The following ARFGEF1 variants were observed in gnomAD, a reference collection of about 807,000 sequenced individuals.
ARFGEF1 encodes ARF guanine nucleotide exchange factor 1.
In ARFGEF1, 42 loss-of-function variants were observed where a neutral mutation model predicts 231.0. The observed-to-expected ratio is 0.18, with a 90% CI of 0.14 to 0.24. The LOEUF (loss-of-function observed/expected upper bound fraction) is 0.24, where lower values mean the gene tolerates loss of function less well. Ranked by LOEUF, ARFGEF1 falls within the 10% of genes least tolerant of loss-of-function variation. ARFGEF1 has a pLI of 1.00. For synonymous variants in ARFGEF1, 710 were observed against 732.3 expected (o/e 0.97, Z 0.49); for missense variants, 1,345 against 2,192.0 (o/e 0.61, Z 7.72).
intron 1 of ARFGEF1, among the ~76,000 whole-genome samples, chr8:67,304,704 A>C (rs1806655642): frequency 6.6e-6 from 1 of 152,220 alleles, no homozygotes; most frequent in Non-Finnish European, 1.5e-5. Flanking sequence ...CTGTAGTCCC[A>C]GCTACTTGGG....
At chr8:67,218,178 C>T (rs1479535564) in intron 30 of ARFGEF1, 40 bp from the exon 31 acceptor site, 1 of 821,684 alleles carries the variant, frequency 1.2e-6, no homozygotes, top group Non-Finnish European at 1.6e-6. Flanking sequence ...CGCCATTAAT[C>T]AACTACTATG....
At chr8:67,202,975 G>A (rs767737774) in intron 36 of ARFGEF1, 108 bp downstream of exon 36, 11 of 1,152,056 alleles carry the variant, frequency 9.5e-6, no homozygotes, top group Non-Finnish European at 1.3e-5. Flanking sequence ...AGTACATATA[G>A]TGACATGCAC....
chr8:67,309,662 A>G (rs1806904957), intron 1 of ARFGEF1, among the ~76,000 whole-genome samples: 1 of 152,198 alleles, frequency 6.6e-6, no homozygotes. Context: ...AGAAGAAACA[A>G]ACTATGAAGC....
At position 67,343,342 on chromosome 8, in the gene ARFGEF1, G is replaced by A. The variant is rs1563927134; in HGVS notation, c.-55C>T. ...CGACCCGCGGCTCCCAGCGGCTGGA[G>A]GGGAGGAGGAGGAGAGGAAGGAAGA... On this transcript the variant is annotated 5_prime_UTR_variant, in exon 1 of 39. Coordinates refer to ENST00000262215, the MANE Select transcript of ARFGEF1 (RefSeq NM_006421.5). 5.0e-6 allele frequency: 8 copies of A among 1,602,676 alleles called. No homozygotes were observed. In the Admixed American group the frequency reaches 5.0e-5, roughly 10 times the overall value.
At position 67,266,892 on chromosome 8, in the gene ARFGEF1, G is replaced by A; in HGVS notation, c.1905C>T (p.Asn635=). ...TCACCTTACCAAGAGTTGTCTGGGA[G>A]TTGGGATTCACATACTGATCCTTAC... ...EWSKDQYVNP[N]SQTTLGQEKP... The change falls in exon 13 of 39, where the codon AAC becomes AAT. Residue 635 remains asparagine, a synonymous_variant. Coordinates refer to ENST00000262215, the MANE Select transcript of ARFGEF1 (RefSeq NM_006421.5). 1 of 1,612,300 alleles carries A rather than the reference G, an allele frequency of 6.2e-7. No homozygotes were observed. The highest frequency in any genetic ancestry group is 1.1e-5 in the South Asian group (1 of 90,938).
At chr8:67,209,073 C>G (rs1013695580) in intron 34 of ARFGEF1, among the ~76,000 whole-genome samples, 1 of 152,216 alleles carries the variant, frequency 6.6e-6, no homozygotes, top group African/African-American at 2.4e-5. Flanking sequence ...TATGAGCTAG[C>G]AATTCCACTC....
At chr8:67,278,446 T>C (rs765829038) in intron 7 of ARFGEF1, among the ~76,000 whole-genome samples, 1 of 152,206 alleles carries the variant, frequency 6.6e-6, no homozygotes, top group Non-Finnish European at 1.5e-5. Flanking sequence ...ATTGATAACA[T>C]GTCTCCAACT....
chr8:67,297,440 G>GT (rs1554646955), intron 4 of ARFGEF1, among the ~76,000 whole-genome samples: 2 of 152,086 alleles, frequency 1.3e-5, no homozygotes, highest in South Asian at 2.1e-4. Context: ...GTAGCTGGGC[G>GT]TAAGTGCCAT....
chr8:67,220,891 CCTTTT>C (rs903022499), intron 29 of ARFGEF1, among the ~76,000 whole-genome samples: 1 of 138,494 alleles, frequency 7.2e-6, no homozygotes, highest in Non-Finnish European at 1.5e-5. Context: ...GTCTTTTTTT[CCTTTT>C]CTTTTTTTTT....
chr8:67,202,490 C>G (rs1415404874), intron 36 of ARFGEF1, among the ~76,000 whole-genome samples: 1 of 152,064 alleles, frequency 6.6e-6, no homozygotes, highest in Non-Finnish European at 1.5e-5. Flanking sequence ...AACTTCTGGC[C>G]CCAAGCAATC....
Position 67,200,549 on chromosome 8 carries a change from G to GT in ARFGEF1, c.5268-37dup, listed in dbSNP as rs779385707. The GT allele has an allele frequency of 3.2e-6, 4 of 1,262,092 alleles. No individual in the cohort carries two copies. The African/African-American group carries it at 4.5e-5, about 14-fold the overall frequency. The allele number at this position is 1,262,092 out of a possible 1,614,324, so 78.2% of individuals were successfully genotyped here. A position where few individuals can be genotyped will look rare whatever the true frequency, so the allele number is the denominator to read the frequency against. On this transcript the variant is annotated intron_variant, in intron 37 of 38. Transcript: ENST00000262215. ...AAAGGTTTCCTTTAATGTTACTTGCGTATCTACTGGTCCCCATATTCACCG... is the reference window on the plus strand; with the variant it reads ...AAAGGTTTCCTTTAATGTTACTTGCGTTATCTACTGGTCCCCATATTCACCG...
In ARFGEF1 at chr8:67,343,462, G is replaced by T. The variant is rs1262835630; in HGVS notation, c.-175C>A. ...GGGCGGGCGAGCGGGACCAGCCGCG[G>T]TGTCGGCGAAGGGCGTCGAGGTCCT... On this transcript the variant is annotated 5_prime_UTR_variant, in exon 1 of 39. Coordinates refer to ENST00000262215, the MANE Select transcript of ARFGEF1 (RefSeq NM_006421.5). The T allele has an allele frequency of 1.9e-5, 26 of 1,347,966 alleles. No homozygotes were observed. Among genetic ancestry groups the T allele is most frequent in the Non-Finnish European group, 2.4e-5 (25 of 1,047,110 alleles). 83.5% of individuals were successfully genotyped at this position (1,347,966 alleles called of 1,614,324 possible). A position where few individuals can be genotyped will look rare whatever the true frequency, so the allele number is the denominator to read the frequency against.
intron 5 of ARFGEF1, among the ~76,000 whole-genome samples, chr8:67,184,251 A>G (rs1563778753): frequency 6.6e-6 from 1 of 152,244 alleles, no homozygotes; most frequent in African/African-American, 2.4e-5. Flanking sequence ...AAGCTTCCAC[A>G]TAAGAAAATT....
At chr8:67,178,791 G>A (rs1466283) in intron 5 of ARFGEF1, among the ~76,000 whole-genome samples, 12,623 of 152,208 alleles carry the variant, frequency 0.083, 1,067 homozygotes, top group African/African-American at 0.22. Context: ...GGGCACATGG[G>A]GCAGGGGGTG....
chr8:67,315,508 C>A (rs1163363442), intron 1 of ARFGEF1, among the ~76,000 whole-genome samples: 1 of 152,170 alleles, frequency 6.6e-6, no homozygotes, highest in Non-Finnish European at 1.5e-5. Flanking sequence ...TAAAACAAAT[C>A]TCAACAAAGT....
rs1213060906 is a variant in ARFGEF1, at chr8:67,301,269, C to G, written c.267G>C (p.Gln89His). 3 of 1,613,816 alleles carry G rather than the reference C, an allele frequency of 1.9e-6. No homozygotes were observed. The highest frequency in any genetic ancestry group is 2.2e-5 in the East Asian group (1 of 44,874). The change falls in exon 3 of 39, where the codon CAG becomes CAC. Residue 89 changes from glutamine to histidine, a missense_variant. Around this residue, in one of 14 missense-constraint regions of ARFGEF1, gnomAD observed 398 missense variants for 463.2 expected, o/e 0.86. Transcript: ENST00000262215. ...TACTAACTATGCGAGGACATTTGGACTGGCATGCCAACTCAAAAGGCAAGA... is the reference window on the plus strand; with the variant it reads ...TACTAACTATGCGAGGACATTTGGAGTGGCATGCCAACTCAAAAGGCAAGA... ...KYFLPFELAC[Q>H]SKCPRIVSTS...
In ARFGEF1 at chr8:67,238,882, A is replaced by ATC. The variant is rs1488365677; in HGVS notation, c.2989_2990dup (p.Asp997GlufsTer8). ...ATCTTGCTAGTGCCTGGACATATGCATCTCTCTCCAGCTATAAAAAAGAGA... is the reference window on the plus strand; with the variant it reads ...ATCTTGCTAGTGCCTGGACATATGCATCTCTCTCTCCAGCTATAAAAAAGAGA... On this transcript the variant is annotated frameshift_variant, in exon 21 of 39. Coordinates refer to ENST00000262215, the MANE Select transcript of ARFGEF1 (RefSeq NM_006421.5). LOFTEE classifies it high-confidence loss of function. 6.2e-7 allele frequency: 1 copy of ATC among 1,613,274 alleles called. No individual in the cohort carries two copies. The highest frequency in any genetic ancestry group is 8.5e-7 in the Non-Finnish European group (1 of 1,179,474).
chr8:67,253,011 G>A (rs557896945), intron 18 of ARFGEF1, among the ~76,000 whole-genome samples: 82 of 152,244 alleles, frequency 5.4e-4, no homozygotes, highest in African/African-American at 1.9e-3. Flanking sequence ...CCCTGCTGAG[G>A]TTAACTACTA....
At chr8:67,184,943 CAAAAA>C (rs796384901) in intron 5 of ARFGEF1, among the ~76,000 whole-genome samples, 1 of 56,084 alleles carries the variant, frequency 1.8e-5, no homozygotes, top group Non-Finnish European at 4.1e-5. Flanking sequence ...ACTAAAAATA[CAAAAA>C]AAAAAAAAAA....
Sources: gnomAD v4.1 joint callset for allele counts (sites outside exome capture counted in the v4.1 genomes callset) on GRCh38, gnomAD v4.1.1 for gene constraint, gnomAD v4.1.1 regional missense constraint, MANE v1.5 for transcripts, NCBI Gene and HGNC (gene_info 2026-07-23, HGNC 2026-07-21) for gene names.